ZSWIM9: variants seen among roughly 807,000 people sequenced by gnomAD.
ZSWIM9 encodes the protein uncharacterized protein ZSWIM9.
A neutral mutation model predicts 25.0 loss-of-function variants in ZSWIM9; 11 were observed. That is an observed-to-expected ratio of 0.44 (90% CI 0.28 to 0.73). ZSWIM9 has a LOEUF of 0.73. ZSWIM9 is among the 30% of genes least tolerant of loss of function. The pLI is 0.16. For synonymous variants in ZSWIM9, 562 were observed against 582.1 expected (o/e 0.97, Z 0.50); for missense variants, 1,070 against 1,296.5 (o/e 0.83, Z 2.68).
chr19:48,187,135 ATTAGCATGTCC>A (rs2037020808), intron 3 of ZSWIM9, among the ~76,000 whole-genome samples: 1 of 150,084 alleles, frequency 6.7e-6, no homozygotes, highest in Non-Finnish European at 1.5e-5. Context: ...GTGGGGTGGG[ATTAGCATGTCC>A]AGCTGCTTTC....
Position 48,196,187 on chromosome 19 carries a change from G to A in ZSWIM9, c.2123G>A (p.Arg708Lys). Residue 708 changes from arginine (R) to lysine (K), a missense_variant, in exon 4 of 4, where the codon AGA becomes AAA. Coordinates refer to ENST00000614654, the MANE Select transcript of ZSWIM9 (RefSeq NM_199341.4). ...AGGGGAGCGAGGGTGGGGGTCAAAAGAAGAAGGGGCCTGGAGGATATAGTT... is the reference window on the plus strand; with the variant it reads ...AGGGGAGCGAGGGTGGGGGTCAAAAAAAGAAGGGGCCTGGAGGATATAGTT... ...EERGARVGVK[R>K]RRGLEDIVLV... The A allele has an allele frequency of 8.1e-7, 1 of 1,235,500 alleles. No individual in the cohort carries two copies. Among genetic ancestry groups the A allele is most frequent in the South Asian group, 4.0e-5 (1 of 24,772 alleles). The allele number at this position is 1,235,500 out of a possible 1,614,324, so 76.5% of individuals were successfully genotyped here.
chr19:48,187,459 A>ATAATAT (rs1416122137), intron 3 of ZSWIM9, among the ~76,000 whole-genome samples: 2 of 81,262 alleles, frequency 2.5e-5, no homozygotes, highest in Non-Finnish European at 4.6e-5. Flanking sequence ...ATTATATATT[A>ATAATAT]ATTATATATA....
At chr19:48,188,819 C>T (rs1353379280) in intron 3 of ZSWIM9, among the ~76,000 whole-genome samples, 1 of 151,988 alleles carries the variant, frequency 6.6e-6, no homozygotes, top group Non-Finnish European at 1.5e-5. Context: ...ATCACGAGGT[C>T]AGGAGATCGA....
At chr19:48,192,534 C>T (rs927119696) in intron 3 of ZSWIM9, among the ~76,000 whole-genome samples, 2 of 131,952 alleles carry the variant, frequency 1.5e-5, no homozygotes, top group Non-Finnish European at 3.2e-5. Flanking sequence ...CATAGCCCCG[C>T]CTTCATCAAA....
intron 3 of ZSWIM9, among the ~76,000 whole-genome samples, chr19:48,192,481 A>G (rs1490224427): frequency 0.014 from 292 of 20,572 alleles, 26 homozygotes; most frequent in African/African-American, 0.049. Context: ...AAAAAAAAAA[A>G]TATATATATA....
intron 3 of ZSWIM9, among the ~76,000 whole-genome samples, chr19:48,190,994 C>T (rs1031787220): frequency 1.4e-4 from 22 of 152,080 alleles, no homozygotes; most frequent in Admixed American, 5.2e-4. Flanking sequence ...ACCTATTTAC[C>T]TTCTCCAACC....
Position 48,182,234 on chromosome 19 carries a change from A to C in ZSWIM9, c.276-221A>C. On this transcript the variant is annotated intron_variant, in intron 2 of 3. Coordinates refer to ENST00000614654, the MANE Select transcript of ZSWIM9 (RefSeq NM_199341.4). The surrounding 1 kb of genome is among the most constrained non-coding windows in gnomAD (Gnocchi z 4.6). Reference sequence around the variant, plus strand: ...CATGCTCATGACGATCCTATGAGGAAGGTATGATGAGTAGGACCTTCCTTG... The same window carrying C: ...CATGCTCATGACGATCCTATGAGGACGGTATGATGAGTAGGACCTTCCTTG... 1 of 570,646 alleles carries C rather than the reference A, an allele frequency of 1.8e-6. No individual in the cohort carries two copies. Among genetic ancestry groups the C allele is most frequent in the Non-Finnish European group, 3.1e-6 (1 of 322,572 alleles). The allele number at this position is 570,646 out of a possible 1,614,324, so 35.3% of individuals were successfully genotyped here. A position where few individuals can be genotyped will look rare whatever the true frequency, so the allele number is the denominator to read the frequency against.
chr19:48,182,586 G>T lies in ZSWIM9; in HGVS notation c.407G>T (p.Arg136Leu). Residue 136 changes from arginine (R) to leucine (L), a missense_variant, in exon 3 of 4, where the codon CGC becomes CTC. Arg to Leu is a moderately radical substitution (Grantham distance 102). This residue lies in a region of ZSWIM9 where 265 missense variants were observed against 339.0 expected (regional missense o/e 0.78). Coordinates refer to ENST00000614654, the MANE Select transcript of ZSWIM9 (RefSeq NM_199341.4). This position sits in a 1 kb window ranked among gnomAD's most constrained non-coding sequence, Gnocchi z 4.6. ...CCGCTGGAGTTCGCCTACTACTTCCGCCCGGGCCACCTGCTGGCCAACGCC... is the reference window on the plus strand; with the variant it reads ...CCGCTGGAGTTCGCCTACTACTTCCTCCCGGGCCACCTGCTGGCCAACGCC... ...ACPLEFAYYF[R>L]PGHLLANACL... The T allele has an allele frequency of 1.3e-6, 2 of 1,535,848 alleles. No individual in the cohort carries two copies. The highest frequency in any genetic ancestry group is 1.2e-5 in the South Asian group (1 of 84,052).
Position 48,194,729 on chromosome 19 carries a change from T to C in ZSWIM9, c.665T>C (p.Leu222Pro). ...CTGACGTCGCGCACCAGGGCGCTGC[T>C]GCGGCGCTTCCCTCGCATGCTGCTG... ...FFLTSRTRALLRRFPRMLLVD... is the reference protein window; with the variant it reads ...FFLTSRTRALPRRFPRMLLVD... Residue 222 changes from leucine to proline, a missense_variant, in exon 4 of 4, where the codon CTG becomes CCG. Physicochemically the swap from Leu to Pro is moderately conservative, Grantham distance 98 (BLOSUM62 -3). Coordinates refer to ENST00000614654, the MANE Select transcript of ZSWIM9 (RefSeq NM_199341.4). The surrounding 1 kb of genome is among the most constrained non-coding windows in gnomAD (Gnocchi z 6.0). 2.0e-6 allele frequency: 3 copies of C among 1,532,890 alleles called. No homozygotes were observed. Among genetic ancestry groups the C allele is most frequent in the Non-Finnish European group, 1.7e-6 (2 of 1,145,298 alleles). 95.0% of individuals were successfully genotyped at this position (1,532,890 alleles called of 1,614,324 possible).
At chr19:48,192,314 G>T (rs1430798870) in intron 3 of ZSWIM9, among the ~76,000 whole-genome samples, 1 of 149,994 alleles carries the variant, frequency 6.7e-6, no homozygotes, top group African/African-American at 2.5e-5. Flanking sequence ...GCCAGGCGTG[G>T]TGGCGGGCAC....
At chr19:48,173,539 G>T (rs2036862374) in intron 2 of ZSWIM9, among the ~76,000 whole-genome samples, 1 of 151,190 alleles carries the variant, frequency 6.6e-6, no homozygotes, top group Non-Finnish European at 1.5e-5. Context: ...CCTCAAGGAG[G>T]CTGAGGTGAT....
Position 48,182,915 on chromosome 19 carries a change from A to G in ZSWIM9, c.588+148A>G, listed in dbSNP as rs1803169035. 8 of 672,470 alleles carry G rather than the reference A, an allele frequency of 1.2e-5. No homozygotes were observed. The Admixed American group carries it at 2.1e-4, about 17-fold the overall frequency. 41.7% of individuals were successfully genotyped at this position (672,470 alleles called of 1,614,324 possible). On this transcript the variant is annotated intron_variant, in intron 3 of 3. Transcript: ENST00000614654. The surrounding 1 kb of genome is among the most constrained non-coding windows in gnomAD (Gnocchi z 4.6). ...TCATTCATTCAATAAGTACTTACCG[A>G]GGCATTGGGGATGCAGCAGCAAACC...
intron 1 of ZSWIM9, chr19:48,171,518 A>T (rs1038836506): frequency 1.8e-5 from 8 of 440,074 alleles, no homozygotes; most frequent in African/African-American, 6.4e-5. Flanking sequence ...TTCCAACTGT[A>T]CCTAAGGGTC....
chr19:48,187,514 T>TA (rs1407649408), intron 3 of ZSWIM9, among the ~76,000 whole-genome samples: 2 of 72,786 alleles, frequency 2.7e-5, no homozygotes, highest in African/African-American at 1.1e-4. Context: ...TATTATATTA[T>TA]ATATATTATA....
In ZSWIM9 at chr19:48,171,847, G is replaced by C; in HGVS notation, c.45G>C (p.Glu15Asp). The part of the protein sequence containing the change: ...EPPPGTAAGQ[E>D]EQELRERAFF... The stretch of plus-strand genomic sequence containing the variant: ...CACCCGGCACGGCTGCGGGGCAGGA[G>C]GAGCAGGAGCTGCGGGAGCGGGCCT... Residue 15 changes from glutamate (E) to aspartate (D), a missense_variant, in exon 2 of 4, where the codon GAG becomes GAC. Coordinates refer to ENST00000614654, the MANE Select transcript of ZSWIM9 (RefSeq NM_199341.4). The C allele has an allele frequency of 6.5e-7, 1 of 1,534,780 alleles. No individual in the cohort carries two copies. The highest frequency in any genetic ancestry group is 8.7e-7 in the Non-Finnish European group (1 of 1,146,404).
In ZSWIM9 at chr19:48,188,812, A is replaced by C. The variant is rs183696240; in HGVS notation, c.589-5841A>C. Among the ~76,000 whole-genome samples the C allele has an allele frequency of 9.9e-3, 1,506 of 152,042 alleles. 20 individuals carry two copies. The highest frequency in any genetic ancestry group is 0.033 in the African/African-American group (1,358 of 41,494). On this transcript the variant is annotated intron_variant, in intron 3 of 3. Coordinates refer to ENST00000614654, the MANE Select transcript of ZSWIM9 (RefSeq NM_199341.4). ...TTTGGGAGGCTGAGGCGGGTGGATC[A>C]CGAGGTCAGGAGATCGAGACCAGCC...
chr19:48,172,087 C>A lies in ZSWIM9; in HGVS notation c.275+10C>A. The A allele has an allele frequency of 2.0e-6, 3 of 1,507,370 alleles. No individual in the cohort carries two copies. Among genetic ancestry groups the A allele is most frequent in the Non-Finnish European group, 1.8e-6 (2 of 1,127,772 alleles). The allele number at this position is 1,507,370 out of a possible 1,614,324, so 93.4% of individuals were successfully genotyped here. On this transcript the variant is annotated intron_variant, in intron 2 of 3. Coordinates refer to ENST00000614654, the MANE Select transcript of ZSWIM9 (RefSeq NM_199341.4). ...GCCGGCCCGCCGTGGGGTGCGTGAA[C>A]CTGAGCCGCTGTCCTGCTGGGGGGA...
rs2036832828 is a variant in ZSWIM9, at chr19:48,172,073, G to T, written c.271G>T (p.Val91Leu). The T allele has an allele frequency of 2.0e-6, 3 of 1,517,214 alleles. No homozygotes were observed. Among genetic ancestry groups the T allele is most frequent in the Admixed American group, 2.0e-5 (1 of 50,114 alleles). 94.0% of individuals were successfully genotyped at this position (1,517,214 alleles called of 1,614,324 possible). Residue 91 changes from valine to leucine, a missense_variant, in exon 2 of 4, where the codon GTG (valine) becomes TTG (leucine). Physicochemically the swap from Val to Leu is conservative, Grantham distance 32. This residue lies in a region of ZSWIM9 where 265 missense variants were observed against 339.0 expected (regional missense o/e 0.78). Coordinates refer to ENST00000614654, the MANE Select transcript of ZSWIM9 (RefSeq NM_199341.4). ...CGTGCGTGCGCCCAGCCGGCCCGCC[G>T]TGGGGTGCGTGAACCTGAGCCGCTG... The part of the protein sequence containing the change: ...KDVRAPSRPA[V>L]GPPQPGCPAF...
Position 48,182,416 on chromosome 19 carries a change from A to C in ZSWIM9, c.276-39A>C. 3 of 1,460,040 alleles carry C rather than the reference A, an allele frequency of 2.1e-6. No homozygotes were observed. The highest frequency in any genetic ancestry group is 2.7e-6 in the Non-Finnish European group (3 of 1,091,652). 90.4% of individuals were successfully genotyped at this position (1,460,040 alleles called of 1,614,324 possible). A position where few individuals can be genotyped will look rare whatever the true frequency, so the allele number is the denominator to read the frequency against. ...GAGTGGAAAGGAAGAAGAGGGCAGC[A>C]GAGTGATGTGACCAGGGCGGTGGTG... On this transcript the variant is annotated intron_variant, in intron 2 of 3. Transcript: ENST00000614654. The surrounding 1 kb of genome is among the most constrained non-coding windows in gnomAD (Gnocchi z 4.6).
Sources: allele counts gnomAD v4.1 joint callset (sites outside exome capture counted in the v4.1 genomes callset), GRCh38; gene constraint gnomAD v4.1.1; regional missense constraint gnomAD v4.1.1; non-coding constraint Gnocchi (gnomAD v3.1); transcripts MANE v1.5; gene names NCBI Gene and HGNC (gene_info 2026-07-23, HGNC 2026-07-21).